Variants in TMEM120B observed in about 807,000 individuals in gnomAD.
The protein encoded by TMEM120B is transmembrane protein 120B.
A neutral mutation model predicts 55.5 loss-of-function variants in TMEM120B; 31 were observed. The observed-to-expected ratio is 0.56, with a 90% CI of 0.42 to 0.75. TMEM120B has a LOEUF of 0.75. Among genes scored for constraint, TMEM120B ranks in the 30% least tolerant of loss-of-function variants. The probability of loss-of-function intolerance (pLI) is 0.00; values close to 1 mark genes in which losing one functional copy is unlikely to be tolerated. For missense variants in TMEM120B, 399 were observed against 425.5 expected (o/e 0.94, Z 0.55); for synonymous variants, 203 against 176.3 (o/e 1.15, Z -1.20).
chr12:121,775,502 C>T lies in TMEM120B; in HGVS notation c.907-107C>T. On this transcript the variant is annotated intron_variant, in intron 11 of 11. Coordinates refer to ENST00000449592, the MANE Select transcript of TMEM120B (RefSeq NM_001080825.2). This position sits in a 1 kb window ranked among gnomAD's most constrained non-coding sequence, Gnocchi z 4.3. ...CTCTGCCTTCGATGGCAAAACCCTG[C>T]AGTTTGGGAGTTTGGGGGCAGCTGT... The T allele has an allele frequency of 2.0e-6, 3 of 1,483,780 alleles. No individual in the cohort carries two copies. Among genetic ancestry groups the T allele is most frequent in the South Asian group, 2.7e-5 (2 of 73,066 alleles). The allele number at this position is 1,483,780 out of a possible 1,614,324, so 91.9% of individuals were successfully genotyped here.
At chr12:121,720,365 A>G (rs1475231825) in intron 1 of TMEM120B, among the ~76,000 whole-genome samples, 1 of 152,164 alleles carries the variant, frequency 6.6e-6, no homozygotes, top group African/African-American at 2.4e-5. Context: ...CTGGTTAAGT[A>G]TAGTCAGCGT....
chr12:121,721,430 C>T (rs1192043126), intron 1 of TMEM120B, among the ~76,000 whole-genome samples: 1 of 151,614 alleles, frequency 6.6e-6, no homozygotes, highest in East Asian at 1.9e-4. Flanking sequence ...CCTCCCATCT[C>T]AGCCTCCCAA....
chr12:121,736,070 G>T (rs567049166), intron 1 of TMEM120B, among the ~76,000 whole-genome samples: 14 of 152,088 alleles, frequency 9.2e-5, no homozygotes, highest in Non-Finnish European at 1.6e-4. Flanking sequence ...CACCAAACTT[G>T]CAGGGTGGTG....
At chr12:121,732,787 G>A (rs964025309) in intron 1 of TMEM120B, among the ~76,000 whole-genome samples, 1 of 152,044 alleles carries the variant, frequency 6.6e-6, no homozygotes. Flanking sequence ...AGACCATCCT[G>A]GTTAACATGG....
intron 1 of TMEM120B, among the ~76,000 whole-genome samples, chr12:121,740,077 C>T (rs778292537): frequency 3.9e-5 from 6 of 152,082 alleles, no homozygotes; most frequent in South Asian, 4.1e-4. Flanking sequence ...ACGCGCCCGG[C>T]GACTCCCACA....
intron 8 of TMEM120B, among the ~76,000 whole-genome samples, chr12:121,772,806 G>A (rs987313435): frequency 6.6e-6 from 1 of 152,178 alleles, no homozygotes; most frequent in Non-Finnish European, 1.5e-5. Context: ...GCCAAGAATG[G>A]AAATTGTATA....
chr12:121,765,432 G>A (rs780268154), intron 6 of TMEM120B, among the ~76,000 whole-genome samples: 1 of 151,974 alleles, frequency 6.6e-6, no homozygotes. Flanking sequence ...GCCCAGCCCC[G>A]AGTTTTTTTT....
chr12:121,728,651 C>A (rs1270855742), intron 1 of TMEM120B, among the ~76,000 whole-genome samples: 1 of 152,100 alleles, frequency 6.6e-6, no homozygotes, highest in Admixed American at 6.6e-5. Context: ...AACACTCAGC[C>A]CCAACTGGGA....
At chr12:121,746,188 CA>C (rs1489641254) in intron 2 of TMEM120B, among the ~76,000 whole-genome samples, 8,433 of 148,168 alleles carry the variant, frequency 0.057, 332 homozygotes, top group African/African-American at 0.11. Flanking sequence ...ACCGCCCCCC[CA>C]CTTTTTTTTT....
intron 1 of TMEM120B, among the ~76,000 whole-genome samples, chr12:121,734,674 G>A (rs1895070955): frequency 6.6e-6 from 1 of 152,054 alleles, no homozygotes; most frequent in Admixed American, 6.6e-5. Flanking sequence ...AGCACTTTGC[G>A]AGGCTGAGAT....
chr12:121,743,731 A>C lies in TMEM120B; in HGVS notation c.172A>C (p.Lys58Gln), dbSNP rs1873001087. ...SKQKKHLKDLKLTLQRCKRHA... is the reference protein window; with the variant it reads ...SKQKKHLKDLQLTLQRCKRHA... ...GCAGAAGAAGCACCTCAAGGACTTG[A>C]AGCTTACACTCCAGAGGTAGGTGCA... Residue 58 changes from lysine (K) to glutamine (Q), a missense_variant, in exon 2 of 12, where the codon AAG becomes CAG. Lys to Gln is a moderately conservative substitution (Grantham distance 53, BLOSUM62 1). This residue lies in a region of TMEM120B where 133 missense variants were observed against 104.1 expected (regional missense o/e 1.28). Coordinates refer to ENST00000449592, the MANE Select transcript of TMEM120B (RefSeq NM_001080825.2). 2 of 1,612,882 alleles carry C rather than the reference A, an allele frequency of 1.2e-6. No individual in the cohort carries two copies. The highest frequency in any genetic ancestry group is 1.7e-6 in the Non-Finnish European group (2 of 1,179,622).
rs34271702 is a variant in TMEM120B, at chr12:121,722,848, CTT to C, written c.69+9900_69+9901del. Among the ~76,000 whole-genome samples, 235 of 133,072 alleles carry C rather than the reference CTT, an allele frequency of 1.8e-3. 2 individuals carry two copies. Among genetic ancestry groups the C allele is most frequent in the African/African-American group, 4.6e-3 (163 of 35,488 alleles). 87.3% of individuals were successfully genotyped at this position (133,072 alleles called of 152,430 possible). On this transcript the variant is annotated intron_variant, in intron 1 of 11. Transcript: ENST00000449592. ...AGGTGTGGGCAGTTTTTTAAATTTA[CTT>C]TTTTTTTTTTTTTTTGAGATGGAGT...
rs528558554 is a variant in TMEM120B, at chr12:121,770,489, C to T, written c.552-418C>T. 2.6e-5 allele frequency among the ~76,000 whole-genome samples: 4 copies of T among 152,296 alleles called. No individual in the cohort carries two copies. The East Asian group carries it at 7.7e-4, about 29-fold the overall frequency. On this transcript the variant is annotated intron_variant, in intron 6 of 11. Coordinates refer to ENST00000449592, the MANE Select transcript of TMEM120B (RefSeq NM_001080825.2). ...TAGGAGGCCCTGAGGTGGCAGCAGG[C>T]AGGCTTGGCGGGTTCTAGGAGAGCC...
intron 2 of TMEM120B, among the ~76,000 whole-genome samples, chr12:121,745,111 C>G (rs1000675387): frequency 3.9e-5 from 6 of 152,104 alleles, no homozygotes; most frequent in Non-Finnish European, 7.4e-5. Flanking sequence ...CACTCCTGCC[C>G]CAGGTGTGTC....
intron 5 of TMEM120B, among the ~76,000 whole-genome samples, chr12:121,759,776 C>G (rs1873609572): frequency 6.6e-6 from 1 of 152,062 alleles, no homozygotes; most frequent in South Asian, 2.1e-4. Context: ...TTGGGTGAAT[C>G]ACTTGTGGTC....
intron 1 of TMEM120B, among the ~76,000 whole-genome samples, chr12:121,741,959 T>G (rs1479413736): frequency 1.3e-5 from 2 of 151,816 alleles, no homozygotes; most frequent in African/African-American, 2.4e-5. Flanking sequence ...AATTGTCATC[T>G]AGTTAATTCT....
chr12:121,767,153 G>A (rs537873440), intron 6 of TMEM120B, among the ~76,000 whole-genome samples: 14 of 151,976 alleles, frequency 9.2e-5, no homozygotes, highest in East Asian at 5.8e-4. Context: ...GCTCCTGCAA[G>A]GTTTCTTTTT....
intron 6 of TMEM120B, among the ~76,000 whole-genome samples, chr12:121,767,676 CAT>C (rs1382111013): frequency 4.6e-5 from 7 of 152,342 alleles, no homozygotes; most frequent in East Asian, 1.9e-4. Context: ...TACATAAACA[CAT>C]GTGCACACAA....
intron 6 of TMEM120B, among the ~76,000 whole-genome samples, chr12:121,766,421 A>T (rs1209957063): frequency 6.6e-6 from 1 of 152,112 alleles, no homozygotes; most frequent in South Asian, 2.1e-4. Context: ...AGGGCTCAGG[A>T]GGTGTTCATG....
Sources: allele counts gnomAD v4.1 joint callset (sites outside exome capture counted in the v4.1 genomes callset), GRCh38; gene constraint gnomAD v4.1.1; regional missense constraint gnomAD v4.1.1; non-coding constraint Gnocchi (gnomAD v3.1); transcripts MANE v1.5; gene names NCBI Gene and HGNC (gene_info 2026-07-23, HGNC 2026-07-21).